Variants in FGF2 observed in about 807,000 individuals in gnomAD.
The protein encoded by FGF2 is basic fibroblast growth factor bFGF.
Under a neutral mutation model 15.9 loss-of-function variants are expected in FGF2, and 13 were observed. The ratio of observed to expected loss-of-function variants is 0.82; its 90% CI spans 0.53 to 1.30. The LOEUF is 1.30. FGF2 is among the 50% of genes most tolerant of loss of function. The pLI is 0.00. For missense variants in FGF2, 163 were observed against 196.9 expected, an observed-to-expected ratio of 0.83 and a Z score of 1.03; for synonymous variants, 90 against 78.4, an observed-to-expected ratio of 1.15 and a Z score of -0.78.
chr4:122,878,296 A>G (rs1726896592), intron 2 of FGF2, among the ~76,000 whole-genome samples: 1 of 152,202 alleles, frequency 6.6e-6, no homozygotes, highest in African/African-American at 2.4e-5. Context: ...ATGACCTATA[A>G]GTAGAATTTT....
intron 2 of FGF2, among the ~76,000 whole-genome samples, chr4:122,891,378 C>T (rs982764686): frequency 2.6e-5 from 4 of 151,064 alleles, no homozygotes; most frequent in Non-Finnish European, 5.9e-5. Flanking sequence ...TATTAAATTC[C>T]ATTACTTGGA....
At chr4:122,856,815 T>C (rs1242669872) in intron 1 of FGF2, among the ~76,000 whole-genome samples, 1 of 152,176 alleles carries the variant, frequency 6.6e-6, no homozygotes, top group African/African-American at 2.4e-5. Context: ...ATCATCACGG[T>C]GATTCCTCAG....
At chr4:122,863,393 T>A (rs1726512013) in intron 1 of FGF2, among the ~76,000 whole-genome samples, 1 of 152,210 alleles carries the variant, frequency 6.6e-6, no homozygotes. Flanking sequence ...TTGTTTGATC[T>A]ATAGAGTTTC....
intron 1 of FGF2, among the ~76,000 whole-genome samples, chr4:122,843,887 G>T (rs1012712431): frequency 1.3e-5 from 2 of 152,210 alleles, no homozygotes; most frequent in Non-Finnish European, 1.5e-5. Context: ...AGTCGTAATT[G>T]TTCTGCTAGT....
intron 1 of FGF2, among the ~76,000 whole-genome samples, chr4:122,870,358 G>A (rs868401303): frequency 4.6e-5 from 7 of 152,182 alleles, no homozygotes; most frequent in South Asian, 4.1e-4. Flanking sequence ...AAATTAGGGA[G>A]GAGTCCCTCC....
At chr4:122,842,059 A>C (rs557538107) in intron 1 of FGF2, among the ~76,000 whole-genome samples, 10 of 152,338 alleles carry the variant, frequency 6.6e-5, no homozygotes, top group Admixed American at 2.0e-4. Flanking sequence ...AAGTGGATGA[A>C]TGTTCCTGTT....
chr4:122,879,731 A>G (rs556634321), intron 2 of FGF2, among the ~76,000 whole-genome samples: 4 of 152,336 alleles, frequency 2.6e-5, no homozygotes, highest in African/African-American at 7.2e-5. Flanking sequence ...AGCAAGTCAC[A>G]TCTTAAATGG....
At chr4:122,885,783 T>G (rs760552592) in intron 2 of FGF2, among the ~76,000 whole-genome samples, 1 of 152,120 alleles carries the variant, frequency 6.6e-6, no homozygotes, top group Non-Finnish European at 1.5e-5. Context: ...TTAGTCATCA[T>G]GTCTCCTTAG....
intron 2 of FGF2, 152 bp from the exon 3 acceptor site, chr4:122,892,059 A>G (rs1326989620): frequency 8.5e-6 from 6 of 703,132 alleles, no homozygotes; most frequent in Non-Finnish European, 1.5e-5. Context: ...ATTTTGGCCC[A>G]TTGAATCTTG....
chr4:122,885,384 G>A, intron 2 of FGF2, among the ~76,000 whole-genome samples: 1 of 152,304 alleles, frequency 6.6e-6, no homozygotes, highest in South Asian at 2.1e-4. Flanking sequence ...AAAGTGATAT[G>A]TATATATGAA....
chr4:122,892,879 G>C lies in FGF2; in HGVS notation c.*483G>C. On this transcript the variant is annotated 3_prime_UTR_variant, in exon 3 of 3. Coordinates refer to ENST00000644866, the MANE Select transcript of FGF2 (RefSeq NM_001361665.2). ...AATTCTCTGGCAGTTCCTTATGATAGAGTTTATAAAACAGTCCTGTGTAAA... is the reference window on the plus strand; with the variant it reads ...AATTCTCTGGCAGTTCCTTATGATACAGTTTATAAAACAGTCCTGTGTAAA... 6.2e-7 allele frequency: 1 copy of C among 1,611,646 alleles called. No homozygotes were observed. Among genetic ancestry groups the C allele is most frequent in the Non-Finnish European group, 8.5e-7 (1 of 1,178,544 alleles).
intron 1 of FGF2, among the ~76,000 whole-genome samples, chr4:122,867,749 C>T (rs1445005118): frequency 1.3e-5 from 2 of 152,154 alleles, no homozygotes; most frequent in Non-Finnish European, 2.9e-5. Flanking sequence ...ATTTAAATCA[C>T]GATTGGTAAT....
At chr4:122,853,523 A>C (rs915229687) in intron 1 of FGF2, among the ~76,000 whole-genome samples, 1 of 152,122 alleles carries the variant, frequency 6.6e-6, no homozygotes, top group Admixed American at 6.6e-5. Context: ...TGTTGTTGCT[A>C]TTTGTACTTT....
chr4:122,871,032 T>G (rs1726720109), intron 1 of FGF2, among the ~76,000 whole-genome samples: 1 of 152,224 alleles, frequency 6.6e-6, no homozygotes, highest in Non-Finnish European at 1.5e-5. Flanking sequence ...CTCTTTGTTC[T>G]CGTTGTTTTC....
In FGF2 at chr4:122,876,313, C is replaced by T. The variant is rs192696583; in HGVS notation, c.179-8C>T. On this transcript the variant is annotated splice_polypyrimidine_tract_variant and splice_region_variant and intron_variant, in intron 1 of 2. Coordinates refer to ENST00000644866, the MANE Select transcript of FGF2 (RefSeq NM_001361665.2). ...GTGCTACAAAGATAATTTTTTTTCC[C>T]GTTACAGTCAAGCTACAACTTCAAG... The T allele has an allele frequency of 3.7e-4, 588 of 1,571,448 alleles. 3 individuals carry two copies. The East Asian group carries it at 7.0e-3, about 19-fold the overall frequency.
At chr4:122,874,311 C>T (rs1283394964) in intron 1 of FGF2, among the ~76,000 whole-genome samples, 1 of 152,218 alleles carries the variant, frequency 6.6e-6, no homozygotes, top group Non-Finnish European at 1.5e-5. Flanking sequence ...AAAAATACTT[C>T]ATACCCTTCA....
rs761076153 is a variant in FGF2, at chr4:122,892,264, C to T, written c.336C>T (p.Tyr112=). The T allele has an allele frequency of 6.2e-7, 1 of 1,613,626 alleles. No homozygotes were observed. Among genetic ancestry groups the T allele is most frequent in the South Asian group, 1.1e-5 (1 of 91,072 alleles). Residue 112 remains tyrosine, a synonymous_variant, in exon 3 of 3, where the codon TAC becomes TAT. Transcript: ENST00000644866. ...TTGAACGATTGGAATCTAATAACTACAATACTTACCGGTCAAGGAAATACA... is the reference window on the plus strand; with the variant it reads ...TTGAACGATTGGAATCTAATAACTATAATACTTACCGGTCAAGGAAATACA... ...FFFERLESNN[Y]NTYRSRKYTS... is the part of the protein sequence containing the mutation.
At chr4:122,865,080 A>C (rs1726544943) in intron 1 of FGF2, among the ~76,000 whole-genome samples, 1 of 152,208 alleles carries the variant, frequency 6.6e-6, no homozygotes, top group Non-Finnish European at 1.5e-5. Context: ...CATATTAAAT[A>C]TTCCCTGTGC....
intron 1 of FGF2, among the ~76,000 whole-genome samples, chr4:122,844,618 T>TTCCTTCCTTCCTTC (rs1726070728): frequency 1.6e-4 from 18 of 110,766 alleles, no homozygotes; most frequent in African/African-American, 8.4e-4. Flanking sequence ...TTCCTTCCTT[T>TTCCTTCCTTCCTTC]CTTTCTTCCT....
Sources: gnomAD v4.1 joint callset for allele counts (sites outside exome capture counted in the v4.1 genomes callset) on GRCh38, gnomAD v4.1.1 for gene constraint, MANE v1.5 for transcripts, NCBI Gene and HGNC (gene_info 2026-07-23, HGNC 2026-07-21) for gene names.